The following ZNG1A variants were observed in gnomAD, a reference collection of about 807,000 sequenced individuals.
ZNG1A encodes zinc-regulated GTPase metalloprotein activator 1A.
At chr9:175,910 A>G in the ZNG1A span, 1 of 1,407,274 alleles carries the variant, frequency 7.1e-7, no homozygotes, top group Non-Finnish European at 9.4e-7. Context: ...TTAGCATAGA[A>G]TATCCTAGAG....
chr9:133,490 GA>G, the ZNG1A span, among the ~76,000 whole-genome samples: 2 of 145,008 alleles, frequency 1.4e-5, no homozygotes, highest in Admixed American at 1.4e-4. Flanking sequence ...CCAGGCAAAA[GA>G]AATGTTGGGA....
the ZNG1A span, among the ~76,000 whole-genome samples, chr9:142,175 C>G: frequency 6.7e-6 from 1 of 148,522 alleles, no homozygotes; most frequent in Admixed American, 6.7e-5. Context: ...TTGAACTCAG[C>G]TCTGCACCAA....
At chr9:132,768 T>C in the ZNG1A span, among the ~76,000 whole-genome samples, 1 of 54,090 alleles carries the variant, frequency 1.8e-5, no homozygotes, top group East Asian at 5.2e-4. Flanking sequence ...TCACCTTCTC[T>C]CCTGAAGCAG....
At chr9:154,355 G>C in the ZNG1A span, 2 of 392,770 alleles carry the variant, frequency 5.1e-6, no homozygotes, top group Non-Finnish European at 9.0e-6. Context: ...TACGAGTAAA[G>C]ACAGGAACTG....
chr9:175,662 A>T, the ZNG1A span: 1 of 1,547,580 alleles, frequency 6.5e-7, no homozygotes, highest in East Asian at 2.3e-5. Context: ...AGTCACACAA[A>T]ATCTTGCAAC....
At chr9:171,263 G>C in the ZNG1A span, among the ~76,000 whole-genome samples, 2 of 151,890 alleles carry the variant, frequency 1.3e-5, no homozygotes, top group African/African-American at 2.4e-5. Context: ...GGACAACTAT[G>C]ACCTGTTGAG....
chr9:168,454 ATGT>A, the ZNG1A span, among the ~76,000 whole-genome samples: 1 of 150,834 alleles, frequency 6.6e-6, no homozygotes, highest in South Asian at 2.1e-4. Context: ...GGGTTTCACT[ATGT>A]TGGCCAGGCT....
chr9:122,459 G>C, the ZNG1A span: 1 of 1,083,176 alleles, frequency 9.2e-7, no homozygotes, highest in Non-Finnish European at 1.1e-6. Flanking sequence ...CACAGTTTTC[G>C]TGGGAAAAGT....
chr9:174,045 G>A, the ZNG1A span, among the ~76,000 whole-genome samples: 187 of 151,778 alleles, frequency 1.2e-3, no homozygotes, highest in African/African-American at 4.4e-3. Context: ...TACTCAGGCG[G>A]CTGAGGCAGG....
the ZNG1A span, chr9:121,542 C>T: frequency 6.2e-7 from 1 of 1,610,518 alleles, no homozygotes; most frequent in Non-Finnish European, 8.5e-7. Context: ...CTATAAACAG[C>T]TGTTTAAGGA....
At chr9:124,366 A>AAAT in the ZNG1A span, among the ~76,000 whole-genome samples, 416 of 151,604 alleles carry the variant, frequency 2.7e-3, no homozygotes, top group East Asian at 0.03. Flanking sequence ...ATGAATTTAA[A>AAAT]AAGGTAGAAA....
At chr9:147,726 C>G in the ZNG1A span, 1 of 149,386 alleles carries the variant, frequency 6.7e-6, no homozygotes, top group Non-Finnish European at 1.5e-5. Context: ...CCCCTCCCCC[C>G]GCTACTGAGC....
the ZNG1A span, among the ~76,000 whole-genome samples, chr9:127,565 G>T: frequency 6.6e-6 from 1 of 152,212 alleles, no homozygotes; most frequent in Non-Finnish European, 1.5e-5. Flanking sequence ...AAGTTTATGT[G>T]AGTCCTTATG....
chr9:127,657 A>G, the ZNG1A span, among the ~76,000 whole-genome samples: 1 of 151,802 alleles, frequency 6.6e-6, no homozygotes, highest in East Asian at 1.9e-4. Context: ...TTTTAAGTGG[A>G]GCATTTAGGC....
the ZNG1A span, chr9:148,541 T>A: frequency 2.3e-5 from 2 of 88,322 alleles, no homozygotes; most frequent in Admixed American, 1.3e-4. Flanking sequence ...CCTTTGGAGA[T>A]AAAACCATGA....
At chr9:133,713 G>T in the ZNG1A span, among the ~76,000 whole-genome samples, 18 of 136,998 alleles carry the variant, frequency 1.3e-4, no homozygotes, top group East Asian at 3.1e-3. Context: ...TTTTTAAAAA[G>T]GCTCCACATG....
chr9:124,798 T>G, the ZNG1A span, among the ~76,000 whole-genome samples: 3 of 141,138 alleles, frequency 2.1e-5, no homozygotes, highest in African/African-American at 8.0e-5. Context: ...AGTGAGAACA[T>G]AGCGATGTTT....
the ZNG1A span, chr9:171,960 A>G: frequency 1.3e-6 from 2 of 1,525,236 alleles, no homozygotes; most frequent in Non-Finnish European, 1.8e-6. Flanking sequence ...TTTAAACCAA[A>G]AAAAGTTTTT....
the ZNG1A span, among the ~76,000 whole-genome samples, chr9:177,467 T>A: frequency 6.6e-6 from 1 of 150,412 alleles, no homozygotes; most frequent in Admixed American, 6.6e-5. Flanking sequence ...TTGTAGGACA[T>A]CAAAATAGAA....
Sources: gnomAD v4.1 joint callset for allele counts (sites outside exome capture counted in the v4.1 genomes callset) on GRCh38, gnomAD v4.1.1 for gene constraint, MANE v1.5 for transcripts, NCBI Gene and HGNC (gene_info 2026-07-23, HGNC 2026-07-21) for gene names.